The following LRP5 variants were observed in gnomAD, a reference collection of about 807,000 sequenced individuals.
LRP5 encodes the protein low-density lipoprotein receptor-related protein 5.
LRP5 carries 62 observed loss-of-function variants against 154.1 expected under a neutral mutation model. The observed-to-expected ratio is 0.40, with a 90% CI of 0.33 to 0.50. LRP5 has a LOEUF of 0.50. Ranked by LOEUF, LRP5 falls within the 20% of genes least tolerant of loss-of-function variation. LRP5 has a pLI of 0.55. For synonymous variants in LRP5, 966 were observed against 1,011.5 expected, an observed-to-expected ratio of 0.96 and a Z score of 0.85; for missense variants, 1,915 against 2,336.7, an observed-to-expected ratio of 0.82 and a Z score of 3.72.
At chr11:68,305,788 A>G in the LRP5 span, among the ~76,000 whole-genome samples, 1 of 152,222 alleles carries the variant, frequency 6.6e-6, no homozygotes, top group Non-Finnish European at 1.5e-5. Flanking sequence ...AACACACTGC[A>G]CAAGCCACTA....
chr11:68,354,870 G>A (rs1369033174), intron 2 of LRP5, among the ~76,000 whole-genome samples: 4 of 152,218 alleles, frequency 2.6e-5, no homozygotes, highest in Admixed American at 1.3e-4. Context: ...ACAGCAGCTT[G>A]AGAGGGACTG....
At chr11:68,443,544 CATATATATATATATATATATATAT>C (rs1157048489) in intron 21 of LRP5, among the ~76,000 whole-genome samples, 1 of 22,328 alleles carries the variant, frequency 4.5e-5, no homozygotes, top group Non-Finnish European at 7.8e-5. Context: ...TCTTTTATGG[CATATATATATATATATATATATAT>C]ATATATATAT....
chr11:68,432,728 G>C (rs1423953921), intron 17 of LRP5, among the ~76,000 whole-genome samples: 1 of 152,172 alleles, frequency 6.6e-6, no homozygotes, highest in Non-Finnish European at 1.5e-5. Flanking sequence ...GTGGGAGGGA[G>C]GAGTCCTAGG....
At position 68,416,329 on chromosome 11, in the gene LRP5, G is replaced by A. The variant is rs201018263; in HGVS notation, c.2829G>A (p.Pro943=). The change falls in exon 13 of 23, where the codon CCG becomes CCA. Residue 943 remains proline, a splice_region_variant and synonymous_variant. Transcript: ENST00000294304. ...CAGCCCTGTCTTTGCCTCCTCTAGC[G>A]CCCACCACCTTCTTGCTGTTCAGCC... ...TLDPSSRNCS[P]PTTFLLFSQK... 546 of 1,613,852 alleles carry A rather than the reference G, an allele frequency of 3.4e-4. 2 individuals carry two copies. Among genetic ancestry groups the A allele is most frequent in the South Asian group, 6.7e-4 (61 of 91,052 alleles).
At chr11:68,322,293 C>T (rs1269569245) in intron 1 of LRP5, among the ~76,000 whole-genome samples, 2 of 152,196 alleles carry the variant, frequency 1.3e-5, no homozygotes, top group African/African-American at 2.4e-5. Flanking sequence ...ACAGGCCCTG[C>T]GGTGCATATT....
At position 68,447,586 on chromosome 11, in the gene LRP5, G is replaced by T. The variant is rs1215770560; in HGVS notation, c.4586+1053G>T. Among the ~76,000 whole-genome samples, 3 of 152,120 alleles carry T rather than the reference G, an allele frequency of 2.0e-5. No individual in the cohort carries two copies. The highest frequency in any genetic ancestry group is 4.4e-5 in the Non-Finnish European group (3 of 68,034). ...CATCCACACTGGGCAGCCCAGTCTC[G>T]CTAGTTCCTCGTCCCACCTCCTGCC... On this transcript the variant is annotated intron_variant, in intron 22 of 22. Coordinates refer to ENST00000294304, the MANE Select transcript of LRP5 (RefSeq NM_002335.4). The surrounding 1 kb of genome is among the most constrained non-coding windows in gnomAD (Gnocchi z 4.3).
intron 7 of LRP5, among the ~76,000 whole-genome samples, chr11:68,399,029 T>C (rs1300198012): frequency 6.6e-6 from 1 of 152,146 alleles, no homozygotes; most frequent in African/African-American, 2.4e-5. Context: ...TTTTTGTTTT[T>C]TCACTGATAA....
chr11:68,326,821 G>A (rs944382424), intron 1 of LRP5, among the ~76,000 whole-genome samples: 1 of 152,224 alleles, frequency 6.6e-6, no homozygotes, highest in Admixed American at 6.5e-5. Context: ...GAGTCCTTGC[G>A]GCATATGGGA....
In LRP5 at chr11:68,411,583, C is replaced by T; in HGVS notation, c.2466C>T (p.Asp822=). The change falls in exon 11 of 23, where the codon GAC becomes GAT. Residue 822 remains aspartate, a synonymous_variant. Coordinates refer to ENST00000294304, the MANE Select transcript of LRP5 (RefSeq NM_002335.4). ...CTGACCAGCGCCTCTACTGGACCGA[C>T]CTGGACACCAACATGATCGAGTCGT... is the stretch of plus-strand genomic sequence containing the variant. ...DYADQRLYWT[D]LDTNMIESSN... is the part of the protein sequence containing the mutation. 6.2e-7 allele frequency: 1 copy of T among 1,613,456 alleles called. No homozygotes were observed. The highest frequency in any genetic ancestry group is 8.5e-7 in the Non-Finnish European group (1 of 1,179,964).
intron 5 of LRP5, among the ~76,000 whole-genome samples, chr11:68,375,580 A>G (rs1243989163): frequency 2.6e-5 from 4 of 152,068 alleles, no homozygotes; most frequent in Non-Finnish European, 5.9e-5. Context: ...AGAGTGTGGC[A>G]GGTGCACCAG....
At chr11:68,395,747 C>A (rs573978927) in intron 7 of LRP5, among the ~76,000 whole-genome samples, 1 of 152,164 alleles carries the variant, frequency 6.6e-6, no homozygotes, top group Non-Finnish European at 1.5e-5. Flanking sequence ...GACTTAGCCT[C>A]GAGATTGCTG....
At chr11:68,385,901 G>A (rs2098642712) in intron 5 of LRP5, among the ~76,000 whole-genome samples, 1 of 152,064 alleles carries the variant, frequency 6.6e-6, no homozygotes, top group Non-Finnish European at 1.5e-5. Flanking sequence ...TGAGCAGCAT[G>A]GCCAGCAGCT....
intron 17 of LRP5, among the ~76,000 whole-genome samples, chr11:68,431,231 CTTTTTTTTTT>C (rs34840282): frequency 1.1e-5 from 1 of 92,966 alleles, no homozygotes; most frequent in Non-Finnish European, 2.0e-5. Flanking sequence ...GCTGTGCACC[CTTTTTTTTTT>C]TTTTTTTTTT....
chr11:68,325,543 G>A (rs746611356), intron 1 of LRP5, among the ~76,000 whole-genome samples: 2 of 152,198 alleles, frequency 1.3e-5, no homozygotes, highest in South Asian at 2.1e-4. Flanking sequence ...TGCAGCAGTG[G>A]CCTCCAAGCA....
intron 21 of LRP5, among the ~76,000 whole-genome samples, chr11:68,443,815 T>C (rs1057431501): frequency 6.6e-6 from 1 of 150,952 alleles, no homozygotes; most frequent in Non-Finnish European, 1.5e-5. Flanking sequence ...TGCACCACCA[T>C]GCCTGGCTAA....
At chr11:68,354,686 G>T (rs987387295) in intron 2 of LRP5, among the ~76,000 whole-genome samples, 1 of 152,266 alleles carries the variant, frequency 6.6e-6, no homozygotes, top group African/African-American at 2.4e-5. Context: ...TGAGTCATAT[G>T]ATGGCCGGGC....
Position 68,446,527 on chromosome 11 carries a change from C to G in LRP5, c.4580C>G (p.Pro1527Arg). Residue 1527 changes from proline to arginine, a missense_variant, in exon 22 of 23, where the codon CCG (proline) becomes CGG (arginine). Pro to Arg is a moderately radical substitution (Grantham distance 103, BLOSUM62 -2). Transcript: ENST00000294304. ...TCAAACATTCCGGCCACTGCGAGAC[C>G]GTACAGGTAGGACATCCCCTGCAGC... Reference protein sequence around the residue: ...YSSNIPATARPYRPYIIRGMA... With the variant: ...YSSNIPATARRYRPYIIRGMA... 3.1e-6 allele frequency: 5 copies of G among 1,613,604 alleles called. No individual in the cohort carries two copies. Among genetic ancestry groups the G allele is most frequent in the Non-Finnish European group, 3.4e-6 (4 of 1,179,564 alleles).
Position 68,439,900 on chromosome 11 carries a change from C to G in LRP5, c.4472C>G (p.Ala1491Gly). ...TCCAGCAGCTCGTCCAGCACGAAGG[C>G]CACGCTGTACCCGCCGGTGAGGGGC... ...ASSSSSSSTK[A>G]TLYPPILNPP... Residue 1491 changes from alanine (A) to glycine (G), a missense_variant, in exon 21 of 23, where the codon GCC becomes GGC. This residue lies in a region of LRP5 where 1,094 missense variants were observed against 1,210.1 expected (regional missense o/e 0.90). Coordinates refer to ENST00000294304, the MANE Select transcript of LRP5 (RefSeq NM_002335.4). The G allele has an allele frequency of 6.5e-7, 1 of 1,528,244 alleles. No homozygotes were observed. Among genetic ancestry groups the G allele is most frequent in the Non-Finnish European group, 8.8e-7 (1 of 1,139,432 alleles). 94.7% of individuals were successfully genotyped at this position (1,528,244 alleles called of 1,614,324 possible). A position where few individuals can be genotyped will look rare whatever the true frequency, so the allele number is the denominator to read the frequency against.
chr11:68,372,444 C>T (rs7107219), intron 5 of LRP5, among the ~76,000 whole-genome samples: 117,404 of 130,564 alleles, frequency 0.9, 55,940 homozygotes, highest in African/African-American at 0.95. Context: ...GGAGGTGCAG[C>T]GTCAGGCGGA....
Sources: allele counts gnomAD v4.1 joint callset (sites outside exome capture counted in the v4.1 genomes callset), GRCh38; gene constraint gnomAD v4.1.1; regional missense constraint gnomAD v4.1.1; non-coding constraint Gnocchi (gnomAD v3.1); transcripts MANE v1.5; gene names NCBI Gene and HGNC (gene_info 2026-07-23, HGNC 2026-07-21).